RABGAP1L: variants seen among roughly 807,000 people sequenced by gnomAD.
RABGAP1L encodes the protein rab GTPase-activating protein 1-like.
In RABGAP1L, 63 loss-of-function variants were observed where a neutral mutation model predicts 137.7. The observed-to-expected ratio is 0.46, with a 90% CI of 0.37 to 0.56. RABGAP1L has a LOEUF of 0.56. RABGAP1L is among the 20% of genes least tolerant of loss of function. The pLI, the probability that RABGAP1L is intolerant of heterozygous loss-of-function variation, is 0.00. For missense variants in RABGAP1L, 1,095 were observed against 1,244.0 expected, an observed-to-expected ratio of 0.88 and a Z score of 1.80; for synonymous variants, 431 against 433.7, an observed-to-expected ratio of 0.99 and a Z score of 0.08.
chr1:174,488,398 G>A (rs1659881394), intron 13 of RABGAP1L, among the ~76,000 whole-genome samples: 1 of 151,508 alleles, frequency 6.6e-6, no homozygotes, highest in Non-Finnish European at 1.5e-5. Flanking sequence ...CTTACTGTCT[G>A]ACTTAGAGCT....
At chr1:174,971,235 GAAC>G (rs1384328154) in intron 21 of RABGAP1L, among the ~76,000 whole-genome samples, 3 of 150,722 alleles carry the variant, frequency 2.0e-5, no homozygotes, top group African/African-American at 7.3e-5. Context: ...GAAAAATAAT[GAAC>G]ATTATAATAT....
chr1:174,901,395 G>T (rs1474088311), intron 19 of RABGAP1L, among the ~76,000 whole-genome samples: 2 of 152,172 alleles, frequency 1.3e-5, no homozygotes, highest in Non-Finnish European at 2.9e-5. Flanking sequence ...TCTTCACATG[G>T]TGGTAGGAGA....
chr1:174,680,618 A>G (rs563034393), intron 14 of RABGAP1L, among the ~76,000 whole-genome samples: 10 of 152,342 alleles, frequency 6.6e-5, no homozygotes, highest in Middle Eastern at 3.4e-3. Flanking sequence ...GAACAACTCA[A>G]TTAAACAATT....
rs538281784 is a variant in RABGAP1L at position 174,807,720 on chromosome 1, G to A, written c.2212-4112G>A. Among the ~76,000 whole-genome samples the A allele has an allele frequency of 3.9e-5, 6 of 152,166 alleles. No homozygotes were observed. The South Asian group carries it at 6.2e-4, about 16-fold the overall frequency. Reference sequence around the variant, plus strand: ...TGTGCTTACTGGCATTTTTGTTTTCGTTCACAATGAAATTAGCTGTATTGC... The same window carrying A: ...TGTGCTTACTGGCATTTTTGTTTTCATTCACAATGAAATTAGCTGTATTGC... On this transcript the variant is annotated intron_variant, in intron 18 of 25. Transcript: ENST00000681986.
At chr1:174,909,178 CA>C (rs200560738) in intron 19 of RABGAP1L, among the ~76,000 whole-genome samples, 1,785 of 107,274 alleles carry the variant, frequency 0.017, 25 homozygotes, top group African/African-American at 0.054. Flanking sequence ...GACTCTATCT[CA>C]AAAAAAAAAA....
intron 15 of RABGAP1L, among the ~76,000 whole-genome samples, chr1:174,689,150 T>C (rs1030528914): frequency 4.6e-5 from 7 of 152,044 alleles, no homozygotes; most frequent in South Asian, 4.1e-4. Flanking sequence ...ATTTTTCTGT[T>C]TGTTGTATTT....
At chr1:174,481,899 A>T (rs959868530) in intron 13 of RABGAP1L, among the ~76,000 whole-genome samples, 1 of 150,514 alleles carries the variant, frequency 6.6e-6, no homozygotes, top group African/African-American at 2.5e-5. Flanking sequence ...AAAAGAAAAA[A>T]AAAGAAAAAA....
At chr1:174,626,036 A>G (rs1270898051) in intron 13 of RABGAP1L, among the ~76,000 whole-genome samples, 1 of 152,220 alleles carries the variant, frequency 6.6e-6, no homozygotes, top group Admixed American at 6.5e-5. Context: ...AACAGCATGG[A>G]TTTCAGCTAT....
intron 19 of RABGAP1L, among the ~76,000 whole-genome samples, chr1:174,901,636 A>T (rs1658153525): frequency 6.6e-6 from 1 of 152,142 alleles, no homozygotes; most frequent in Non-Finnish European, 1.5e-5. Flanking sequence ...AGCTTAGTGA[A>T]GTTCATTACC....
At chr1:174,575,470 C>A (rs991182193) in intron 13 of RABGAP1L, among the ~76,000 whole-genome samples, 1 of 152,064 alleles carries the variant, frequency 6.6e-6, no homozygotes, top group East Asian at 1.9e-4. Context: ...ATTTGTTTAT[C>A]TGAAAGACCC....
At chr1:174,181,407 G>A (rs929526307) in intron 1 of RABGAP1L, among the ~76,000 whole-genome samples, 3 of 148,978 alleles carry the variant, frequency 2.0e-5, no homozygotes, top group Middle Eastern at 3.3e-3. Flanking sequence ...GCGTGATCTC[G>A]GCCCACTGCA....
At chr1:174,387,887 T>G (rs935185710) in intron 12 of RABGAP1L, among the ~76,000 whole-genome samples, 31 of 152,000 alleles carry the variant, frequency 2.0e-4, no homozygotes, top group African/African-American at 7.5e-4. Flanking sequence ...ACAATTCAAA[T>G]TTTTTTTATT....
chr1:174,416,815 G>A (rs887766509), intron 13 of RABGAP1L, among the ~76,000 whole-genome samples: 10 of 151,982 alleles, frequency 6.6e-5, no homozygotes, highest in East Asian at 1.9e-4. Context: ...TGTGCATTAC[G>A]TATGTGTTAT....
At chr1:174,885,908 A>G (rs970645376) in intron 19 of RABGAP1L, among the ~76,000 whole-genome samples, 2 of 151,708 alleles carry the variant, frequency 1.3e-5, no homozygotes, top group African/African-American at 4.8e-5. Flanking sequence ...CGGAGCTTGC[A>G]GTGAGCCGAG....
At chr1:174,765,862 A>G (rs1685627739) in intron 18 of RABGAP1L, among the ~76,000 whole-genome samples, 1 of 152,098 alleles carries the variant, frequency 6.6e-6, no homozygotes, top group African/African-American at 2.4e-5. Flanking sequence ...TACATTTAGG[A>G]CTTTGATGCA....
At chr1:174,655,150 G>T (rs570655324) in intron 14 of RABGAP1L, among the ~76,000 whole-genome samples, 2 of 152,042 alleles carry the variant, frequency 1.3e-5, no homozygotes, top group African/African-American at 2.4e-5. Flanking sequence ...ATAAACAAGG[G>T]TATTCTTCTA....
Position 174,452,480 on chromosome 1 carries a change from T to G in RABGAP1L, c.1710+58335T>G, listed in dbSNP as rs544135284. Among the ~76,000 whole-genome samples, 4 of 152,264 alleles carry G rather than the reference T, an allele frequency of 2.6e-5. No individual in the cohort carries two copies. In the East Asian group the frequency reaches 7.7e-4, roughly 29 times the overall value. On this transcript the variant is annotated intron_variant, in intron 13 of 25. Transcript: ENST00000681986. Reference sequence around the variant, plus strand: ...GCTGAATTTGAGGACTAAATGAAATTTTGTAGTCTGTGTGCCCAGCATAGC... The same window carrying G: ...GCTGAATTTGAGGACTAAATGAAATGTTGTAGTCTGTGTGCCCAGCATAGC...
intron 19 of RABGAP1L, among the ~76,000 whole-genome samples, chr1:174,831,411 T>C (rs1275584641): frequency 6.7e-6 from 1 of 148,332 alleles, no homozygotes; most frequent in African/African-American, 2.5e-5. Context: ...TGCCCTTTTT[T>C]CCTGAGGATG....
rs143828891 is a variant in RABGAP1L at position 174,369,886 on chromosome 1, T to C, written c.1466-1093T>C. On this transcript the variant is annotated intron_variant, in intron 11 of 25. Transcript: ENST00000681986. ...GTATTGCTTTAAAGATGATGAAACATTTGTCTCTGTATGTGGACATATTTT... is the reference window on the plus strand; with the variant it reads ...GTATTGCTTTAAAGATGATGAAACACTTGTCTCTGTATGTGGACATATTTT... Among the ~76,000 whole-genome samples, 3 of 152,346 alleles carry C rather than the reference T, an allele frequency of 2.0e-5. No individual in the cohort carries two copies. In the East Asian group the frequency reaches 5.8e-4, roughly 29 times the overall value.
Sources: gnomAD v4.1 joint callset for allele counts (sites outside exome capture counted in the v4.1 genomes callset) on GRCh38, gnomAD v4.1.1 for gene constraint, MANE v1.5 for transcripts, NCBI Gene and HGNC (gene_info 2026-07-23, HGNC 2026-07-21) for gene names.